Variants in SPTB observed in about 807,000 individuals in gnomAD.
The protein encoded by SPTB is spectrin beta, erythrocytic.
In SPTB, 45 loss-of-function variants were observed where a neutral mutation model predicts 256.2. That is an observed-to-expected ratio of 0.18 (90% CI 0.14 to 0.23). The LOEUF is 0.23. Among genes scored for constraint, SPTB ranks in the 10% least tolerant of loss-of-function variants. The probability of loss-of-function intolerance (pLI) is 1.00; values close to 1 mark genes in which losing one functional copy is unlikely to be tolerated. For synonymous variants in SPTB, 1,231 were observed against 1,243.1 expected, an observed-to-expected ratio of 0.99 and a Z score of 0.21; for missense variants, 2,715 against 3,040.4, an observed-to-expected ratio of 0.89 and a Z score of 2.52.
chr14:64,840,991 C>G (rs2083598237), intron 1 of SPTB, among the ~76,000 whole-genome samples: 1 of 152,226 alleles, frequency 6.6e-6, no homozygotes, highest in Non-Finnish European at 1.5e-5. Flanking sequence ...CTTATCGGCA[C>G]AGCTGGAAAA....
At chr14:64,854,437 C>A (rs1330436299) in intron 1 of SPTB, among the ~76,000 whole-genome samples, 1 of 151,174 alleles carries the variant, frequency 6.6e-6, no homozygotes, top group Non-Finnish European at 1.5e-5. Flanking sequence ...CGCCACCACG[C>A]CCCACTAATT....
chr14:64,798,468 A>C (rs933439556), intron 9 of SPTB, among the ~76,000 whole-genome samples: 4 of 152,210 alleles, frequency 2.6e-5, no homozygotes, highest in African/African-American at 9.7e-5. Flanking sequence ...TATGGGGTAC[A>C]GGCTCCAGGT....
chr14:64,840,711 C>A (rs914834189), intron 1 of SPTB, among the ~76,000 whole-genome samples: 1 of 152,200 alleles, frequency 6.6e-6, no homozygotes. Context: ...ACCATCCCCA[C>A]ACACTTACTG....
rs1291888588 is a variant in SPTB at position 64,796,013 on chromosome 14, G to A, written c.1342-374C>T. On this transcript the variant is annotated intron_variant, in intron 11 of 35. Transcript: ENST00000644917. The surrounding 1 kb of genome is among the most constrained non-coding windows in gnomAD (Gnocchi z 4.1). Reference sequence around the variant, plus strand: ...TCGGAAACCCATGCACCAGCAAACAGATGGTTTATTCACATGCTATCTGGG... The same window carrying A: ...TCGGAAACCCATGCACCAGCAAACAAATGGTTTATTCACATGCTATCTGGG... 1.3e-5 allele frequency among the ~76,000 whole-genome samples: 2 copies of A among 152,204 alleles called. No homozygotes were observed. The highest frequency in any genetic ancestry group is 2.9e-5 in the Non-Finnish European group (2 of 68,040).
Position 64,772,073 on chromosome 14 carries a change from G to C in SPTB, c.5553+507C>G, listed in dbSNP as rs541711222. ...GGCTCTCCAGCTCCCATGTGGAAAG[G>C]CTGAAGTGCCCGGTGGCTAAGTATG... On this transcript the variant is annotated intron_variant, in intron 26 of 35. Coordinates refer to ENST00000644917, the MANE Select transcript of SPTB (RefSeq NM_001355436.2). This position sits in a 1 kb window ranked among gnomAD's most constrained non-coding sequence, Gnocchi z 5.4. 6.6e-6 allele frequency among the ~76,000 whole-genome samples: 1 copy of C among 152,352 alleles called. No homozygotes were observed. The highest frequency in any genetic ancestry group is 2.1e-4 in the South Asian group (1 of 4,826).
At chr14:64,872,712 C>T (rs1035620598) in intron 1 of SPTB, among the ~76,000 whole-genome samples, 4 of 152,104 alleles carry the variant, frequency 2.6e-5, no homozygotes, top group African/African-American at 4.8e-5. Flanking sequence ...TCTTGAATTG[C>T]GGCTCCCATA....
intron 33 of SPTB, chr14:64,752,408 CT>C: frequency 1.0e-5 from 5 of 497,142 alleles, no homozygotes; most frequent in Non-Finnish European, 1.4e-5. Flanking sequence ...ACAAAGCTGG[CT>C]GCAAAGCCAT....
Position 64,782,428 on chromosome 14 carries a change from C to T in SPTB, c.4128G>A (p.Ser1376=), listed in dbSNP as rs749838545. 66 of 1,613,990 alleles carry T rather than the reference C, an allele frequency of 4.1e-5. No homozygotes were observed. The highest frequency in any genetic ancestry group is 1.6e-4 in the Middle Eastern group (1 of 6,084). ...ATTKEKTQHL[S]AARSSDLRLQ... is the part of the protein sequence containing the mutation. Reference sequence around the variant, plus strand: ...AGCGCAGGTCGGAGCTCCTGGCAGCCGAGAGGTGCTGGGTCTTCTCCTTTG... The same window carrying T: ...AGCGCAGGTCGGAGCTCCTGGCAGCTGAGAGGTGCTGGGTCTTCTCCTTTG... The change falls in exon 20 of 36, where the codon TCG becomes TCA. Residue 1376 remains serine, a synonymous_variant. Coordinates refer to ENST00000644917, the MANE Select transcript of SPTB (RefSeq NM_001355436.2).
intron 3 of SPTB, among the ~76,000 whole-genome samples, chr14:64,804,337 ACT>A (rs771741897): frequency 3.9e-5 from 6 of 152,204 alleles, no homozygotes; most frequent in Non-Finnish European, 5.9e-5. Flanking sequence ...TTTCATTCAA[ACT>A]CTGAGGATCT....
Position 64,802,172 on chromosome 14 carries a change from T to G in SPTB, c.566+54A>C, listed in dbSNP as rs2082899071. The G allele has an allele frequency of 5.2e-6, 8 of 1,539,752 alleles. No homozygotes were observed. Among genetic ancestry groups the G allele is most frequent in the Non-Finnish European group, 6.3e-6 (7 of 1,112,810 alleles). On this transcript the variant is annotated intron_variant, in intron 5 of 35. Coordinates refer to ENST00000644917, the MANE Select transcript of SPTB (RefSeq NM_001355436.2). This position sits in a 1 kb window ranked among gnomAD's most constrained non-coding sequence, Gnocchi z 5.1. ...GTCCCTCTGGAGATGGCAGTGCTTG[T>G]GCGGAGCAAGGGGCTGGTGGTGGAT...
At chr14:64,784,197 C>T in intron 19 of SPTB, 50 bp downstream of exon 19, 5 of 1,612,500 alleles carry the variant, frequency 3.1e-6, no homozygotes, top group Non-Finnish European at 4.2e-6. Flanking sequence ...CCCATCCAGG[C>T]AAGCCTATCT....
Position 64,748,041 on chromosome 14 carries a change from A to T in SPTB, c.*1265T>A, listed in dbSNP as rs1015010460. The T allele has an allele frequency of 6.6e-6, 1 of 151,286 alleles. No individual in the cohort carries two copies. The highest frequency in any genetic ancestry group is 2.4e-5 in the African/African-American group (1 of 41,064). The allele number at this position is 151,286 out of a possible 1,614,324, so 9.4% of individuals were successfully genotyped here. On this transcript the variant is annotated 3_prime_UTR_variant, in exon 36 of 36. Coordinates refer to ENST00000644917, the MANE Select transcript of SPTB (RefSeq NM_001355436.2). The stretch of plus-strand genomic sequence containing the variant: ...GATATTTGACCTCTGTACTCATGTG[A>T]CCCCCTCCCCGCCAAGACCTGGGGC...
rs547524417 is a variant in SPTB at position 64,847,864 on chromosome 14, T to C, written c.-51-24719A>G. 6.6e-6 allele frequency among the ~76,000 whole-genome samples: 1 copy of C among 152,148 alleles called. No individual in the cohort carries two copies. The highest frequency in any genetic ancestry group is 6.5e-5 in the Admixed American group (1 of 15,278). ...CATGTGCCCCCCACCGCAAACCCCA[T>C]CCGGAGTGAGACAAAGGGAGGCACT... On this transcript the variant is annotated intron_variant, in intron 1 of 35. Transcript: ENST00000644917. This position sits in a 1 kb window ranked among gnomAD's most constrained non-coding sequence, Gnocchi z 5.9.
Position 64,775,463 on chromosome 14 carries a change from C to T in SPTB, c.4564-60G>A, listed in dbSNP as rs183469123. 21 of 1,567,212 alleles carry T rather than the reference C, an allele frequency of 1.3e-5. No individual in the cohort carries two copies. The highest frequency in any genetic ancestry group is 1.9e-4 in the Middle Eastern group (1 of 5,190). On this transcript the variant is annotated intron_variant, in intron 22 of 35. Coordinates refer to ENST00000644917, the MANE Select transcript of SPTB (RefSeq NM_001355436.2). The surrounding 1 kb of genome is among the most constrained non-coding windows in gnomAD (Gnocchi z 5.0). ...TCCCACCATGCGGGGGAGGCTGCTT[C>T]AGCAGTGGCAGCACAGCTCTGACAC...
At chr14:64,875,557 A>C (rs1882781202) in intron 1 of SPTB, among the ~76,000 whole-genome samples, 1 of 152,218 alleles carries the variant, frequency 6.6e-6, no homozygotes, top group Admixed American at 6.5e-5. Context: ...GGGGTGAAGA[A>C]GGAAGCATCT....
chr14:64,838,102 T>G (rs1425706621), intron 1 of SPTB, among the ~76,000 whole-genome samples: 2 of 152,150 alleles, frequency 1.3e-5, no homozygotes, highest in East Asian at 3.9e-4. Flanking sequence ...AGTCCAGAGA[T>G]AGATTGACAT....
chr14:64,787,231 C>G (rs1301682342), intron 15 of SPTB, 71 bp from the exon 16 acceptor site: 20 of 1,578,862 alleles, frequency 1.3e-5, no homozygotes, highest in Admixed American at 1.7e-5. Flanking sequence ...ATAGGAGACC[C>G]TGACCCCTTC....
chr14:64,793,766 G>T lies in SPTB; in HGVS notation c.1897C>A (p.Leu633Met). Reference sequence around the variant, plus strand: ...TTCCAGAGTCGTTTGGACTGCTCCAGTTGGGCCTTCCGCCCAGCTGCCATG... The same window carrying T: ...TTCCAGAGTCGTTTGGACTGCTCCATTTGGGCCTTCCGCCCAGCTGCCATG... ...SNMAAGRKAQ[L>M]EQSKRLWKFF... Residue 633 changes from leucine (L) to methionine (M), a missense_variant, in exon 14 of 36, where the codon CTG becomes ATG. By Grantham distance (15) the Leu-to-Met change is conservative. Transcript: ENST00000644917. The surrounding 1 kb of genome is among the most constrained non-coding windows in gnomAD (Gnocchi z 7.0). 1 of 1,613,656 alleles carries T rather than the reference G, an allele frequency of 6.2e-7. No homozygotes were observed. The highest frequency in any genetic ancestry group is 8.5e-7 in the Non-Finnish European group (1 of 1,179,878).
At position 64,793,024 on chromosome 14, in the gene SPTB, A is replaced by G; in HGVS notation, c.2639T>C (p.Leu880Pro). The G allele has an allele frequency of 1.2e-6, 2 of 1,613,966 alleles. No individual in the cohort carries two copies. The highest frequency in any genetic ancestry group is 1.7e-6 in the Non-Finnish European group (2 of 1,180,020). The change falls in exon 14 of 36, where the codon CTG becomes CCG. Residue 880 changes from leucine to proline, a missense_variant. Leu to Pro is a moderately conservative substitution (Grantham distance 98, BLOSUM62 -3). This residue lies in a region of SPTB where 2,239 missense variants were observed against 2,384.4 expected (regional missense o/e 0.94). Transcript: ENST00000644917. This position sits in a 1 kb window ranked among gnomAD's most constrained non-coding sequence, Gnocchi z 7.0. ...GTGCTGCACGACCTCCAGGTCCTCC[A>G]GGGTGTCTGGCATTTCCATCTCGGC... ...WLAEMEMPDT[L>P]EDLEVVQHRF...
Sources: gnomAD v4.1 joint callset for allele counts (sites outside exome capture counted in the v4.1 genomes callset) on GRCh38, gnomAD v4.1.1 for gene constraint, gnomAD v4.1.1 regional missense constraint, Gnocchi (gnomAD v3.1) non-coding constraint, MANE v1.5 for transcripts, NCBI Gene and HGNC (gene_info 2026-07-23, HGNC 2026-07-21) for gene names.